The following CACNA2D1 variants were observed in gnomAD, a reference collection of about 807,000 sequenced individuals.
CACNA2D1 encodes the protein voltage-dependent calcium channel subunit alpha-2/delta-1.
Under a neutral mutation model 171.5 loss-of-function variants are expected in CACNA2D1, and 53 were observed. That is an observed-to-expected ratio of 0.31 (90% CI 0.25 to 0.39). The LOEUF is 0.39. Among genes scored for constraint, CACNA2D1 ranks in the 10% least tolerant of loss-of-function variants. The pLI is 1.00. For missense variants in CACNA2D1, 903 were observed against 1,299.8 expected, an observed-to-expected ratio of 0.69 and a Z score of 4.69; for synonymous variants, 442 against 443.1, an observed-to-expected ratio of 1.00 and a Z score of 0.03.
chr7:82,426,897 A>G (rs887681819), intron 1 of CACNA2D1, among the ~76,000 whole-genome samples: 1 of 152,124 alleles, frequency 6.6e-6, no homozygotes, highest in African/African-American at 2.4e-5. Context: ...CTACAGAATT[A>G]GAGAGGGAGA....
At chr7:82,421,130 AATG>A (rs1828680670) in intron 1 of CACNA2D1, among the ~76,000 whole-genome samples, 1 of 152,148 alleles carries the variant, frequency 6.6e-6, no homozygotes, top group Non-Finnish European at 1.5e-5. Context: ...CTCTATTTAA[AATG>A]ATGACTTTGT....
intron 12 of CACNA2D1, among the ~76,000 whole-genome samples, chr7:82,015,078 A>C (rs1376070189): frequency 6.6e-6 from 1 of 152,162 alleles, no homozygotes; most frequent in African/African-American, 2.4e-5. Context: ...AAAGAAAGAA[A>C]GAAAAAAGAA....
At chr7:82,424,662 T>C (rs1471861525) in intron 1 of CACNA2D1, among the ~76,000 whole-genome samples, 1 of 152,230 alleles carries the variant, frequency 6.6e-6, no homozygotes, top group Non-Finnish European at 1.5e-5. Flanking sequence ...ATAAATTGGC[T>C]TAAACCATAG....
At chr7:81,975,870 T>C (rs1224352950) in intron 24 of CACNA2D1, among the ~76,000 whole-genome samples, 2 of 152,148 alleles carry the variant, frequency 1.3e-5, no homozygotes, top group Non-Finnish European at 2.9e-5. Flanking sequence ...TGGCAGCAAA[T>C]ACTCTTAGTT....
chr7:82,037,801 A>T (rs879660), intron 11 of CACNA2D1, among the ~76,000 whole-genome samples: 1 of 151,998 alleles, frequency 6.6e-6, no homozygotes, highest in Admixed American at 6.6e-5. Context: ...TTAAGTTTCA[A>T]GTGCTTATTC....
At chr7:82,309,554 A>C (rs1312738790) in intron 3 of CACNA2D1, among the ~76,000 whole-genome samples, 1 of 152,144 alleles carries the variant, frequency 6.6e-6, no homozygotes, top group Non-Finnish European at 1.5e-5. Context: ...TGCCTCTGTA[A>C]TATTTTTTAT....
intron 1 of CACNA2D1, among the ~76,000 whole-genome samples, chr7:82,372,519 A>G (rs1822524316): frequency 2.2e-5 from 3 of 137,182 alleles, no homozygotes; most frequent in Non-Finnish European, 5.0e-5. Flanking sequence ...CTAATAAGTC[A>G]CTTACAAAAC....
intron 24 of CACNA2D1, among the ~76,000 whole-genome samples, chr7:81,975,772 A>G (rs1207918738): frequency 2.0e-5 from 3 of 152,116 alleles, no homozygotes; most frequent in Admixed American, 6.6e-5. Context: ...ACTCATTATT[A>G]TCTTCAACTA....
intron 3 of CACNA2D1, among the ~76,000 whole-genome samples, chr7:82,272,437 C>A (rs551570114): frequency 6.6e-6 from 1 of 152,286 alleles, no homozygotes; most frequent in African/African-American, 2.4e-5. Flanking sequence ...CTGGATACAG[C>A]AACTCACTTC....
intron 6 of CACNA2D1, among the ~76,000 whole-genome samples, chr7:82,101,870 G>A (rs1331840626): frequency 6.6e-6 from 1 of 152,082 alleles, no homozygotes; most frequent in Non-Finnish European, 1.5e-5. Flanking sequence ...TAAATTAAGT[G>A]GTGTAACTGT....
Position 82,032,999 on chromosome 7 carries a change from T to TA in CACNA2D1, c.1039-99_1039-98insT, listed in dbSNP as rs1802899262. The TA allele has an allele frequency of 5.5e-6, 4 of 726,486 alleles. No individual in the cohort carries two copies. The African/African-American group carries it at 7.0e-5, about 13-fold the overall frequency. The allele number at this position is 726,486 out of a possible 1,614,324, so 45.0% of individuals were successfully genotyped here. The stretch of plus-strand genomic sequence containing the variant: ...ACGAGCATGAGCAGGTTGCAAGTAA[T>TA]TAATGAAATATCTGCTCACAAAATA... On this transcript the variant is annotated intron_variant, in intron 11 of 38. Coordinates refer to ENST00000356860, the MANE Select transcript of CACNA2D1 (RefSeq NM_000722.4).
At chr7:82,070,094 A>C (rs1808141653) in intron 7 of CACNA2D1, among the ~76,000 whole-genome samples, 2 of 152,172 alleles carry the variant, frequency 1.3e-5, no homozygotes, top group South Asian at 4.1e-4. Context: ...ATAGCTCACA[A>C]AATTTCCATA....
intron 3 of CACNA2D1, among the ~76,000 whole-genome samples, chr7:82,285,167 C>G (rs890010153): frequency 6.6e-6 from 1 of 152,128 alleles, no homozygotes; most frequent in African/African-American, 2.4e-5. Flanking sequence ...CCTTGCCCTC[C>G]TCCTCTTCTC....
In CACNA2D1 at chr7:82,178,420, G is replaced by A. The variant is rs150693221; in HGVS notation, c.295-7811C>T. Among the ~76,000 whole-genome samples, 206 of 152,146 alleles carry A rather than the reference G, an allele frequency of 1.4e-3. 1 individual carries two copies. The highest frequency in any genetic ancestry group is 8.9e-3 in the South Asian group (43 of 4,820). Reference sequence around the variant, plus strand: ...TCATACCTTCTTTTGGGTCTACAGCGCAAAATAAAAGGTTGTCCAAATGAA... The same window carrying A: ...TCATACCTTCTTTTGGGTCTACAGCACAAAATAAAAGGTTGTCCAAATGAA... On this transcript the variant is annotated intron_variant, in intron 3 of 38. Coordinates refer to ENST00000356860, the MANE Select transcript of CACNA2D1 (RefSeq NM_000722.4).
intron 21 of CACNA2D1, among the ~76,000 whole-genome samples, chr7:81,985,905 C>T (rs1019555797): frequency 2.0e-5 from 3 of 152,168 alleles, no homozygotes; most frequent in Admixed American, 6.5e-5. Flanking sequence ...GCCATCAAAA[C>T]TTGCCTTAAT....
intron 5 of CACNA2D1, among the ~76,000 whole-genome samples, chr7:82,121,810 T>A: frequency 6.6e-6 from 1 of 152,178 alleles, no homozygotes; most frequent in East Asian, 1.9e-4. Context: ...AAGAACAAAT[T>A]ATTTTATGGA....
intron 7 of CACNA2D1, among the ~76,000 whole-genome samples, chr7:82,070,682 C>T (rs1808218970): frequency 6.6e-6 from 1 of 152,124 alleles, no homozygotes; most frequent in African/African-American, 2.4e-5. Context: ...TTGGTATGAA[C>T]TTGTCATATG....
chr7:82,264,173 T>C (rs1392783125), intron 3 of CACNA2D1, among the ~76,000 whole-genome samples: 1 of 152,184 alleles, frequency 6.6e-6, no homozygotes, highest in Non-Finnish European at 1.5e-5. Flanking sequence ...TGTTTCAATG[T>C]CCCTGTCTAA....
chr7:82,213,347 A>G (rs1800760621), intron 3 of CACNA2D1, among the ~76,000 whole-genome samples: 4 of 152,234 alleles, frequency 2.6e-5, no homozygotes, highest in Admixed American at 1.3e-4. Context: ...AGTCTTGTTG[A>G]GGCTGGCAGA....
Sources: gnomAD v4.1 joint callset for allele counts (sites outside exome capture counted in the v4.1 genomes callset) on GRCh38, gnomAD v4.1.1 for gene constraint, MANE v1.5 for transcripts, NCBI Gene and HGNC (gene_info 2026-07-23, HGNC 2026-07-21) for gene names.